TENM2: variants seen among roughly 807,000 people sequenced by gnomAD.
TENM2 encodes teneurin-2.
TENM2 carries 52 observed loss-of-function variants against 245.2 expected under a neutral mutation model. That is an observed-to-expected ratio of 0.21 (90% CI 0.17 to 0.27). TENM2 has a LOEUF of 0.27. Ranked by LOEUF, TENM2 falls within the 10% of genes least tolerant of loss-of-function variation. The probability of loss-of-function intolerance (pLI) is 1.00; values close to 1 mark genes in which losing one functional copy is unlikely to be tolerated. For synonymous variants in TENM2, 1,363 were observed against 1,438.9 expected (o/e 0.95, Z 1.19); for missense variants, 3,046 against 3,666.8 (o/e 0.83, Z 4.37).
chr5:167,794,854 A>G (rs1016159720), intron 2 of TENM2, among the ~76,000 whole-genome samples: 6 of 152,228 alleles, frequency 3.9e-5, no homozygotes, highest in Non-Finnish European at 8.8e-5. Context: ...GATGAAACCT[A>G]CAGGTTAGTT....
chr5:167,721,490 ATTCT>A (rs1471224225), intron 2 of TENM2: 1 of 152,202 alleles, frequency 6.6e-6, no homozygotes, highest in East Asian at 1.9e-4. Context: ...CATAGCAAAG[ATTCT>A]TTCTTCGCTT....
At chr5:167,435,160 G>A (rs752837250) in intron 2 of TENM2, among the ~76,000 whole-genome samples, 3 of 151,144 alleles carry the variant, frequency 2.0e-5, no homozygotes, top group Non-Finnish European at 4.4e-5. Context: ...TCATGGGGGG[G>A]AAAGGAATAA....
chr5:167,845,817 A>T (rs1292534593), intron 2 of TENM2, among the ~76,000 whole-genome samples: 1 of 152,142 alleles, frequency 6.6e-6, no homozygotes, highest in African/African-American at 2.4e-5. Flanking sequence ...ATGAGACTCC[A>T]TTTTCCCCAT....
intron 5 of TENM2, among the ~76,000 whole-genome samples, chr5:168,015,074 G>A (rs761651162): frequency 1.3e-5 from 2 of 152,182 alleles, no homozygotes; most frequent in Non-Finnish European, 2.9e-5. Context: ...CTTACCATCA[G>A]CCAGTACTCT....
At chr5:168,066,129 C>T (rs376771626) in intron 7 of TENM2, among the ~76,000 whole-genome samples, 21 of 152,316 alleles carry the variant, frequency 1.4e-4, no homozygotes, top group African/African-American at 5.1e-4. Flanking sequence ...GCATGTCCCT[C>T]TTAGGTTAAC....
At chr5:167,771,151 C>G (rs1763379505) in intron 2 of TENM2, among the ~76,000 whole-genome samples, 1 of 152,122 alleles carries the variant, frequency 6.6e-6, no homozygotes, top group Admixed American at 6.6e-5. Context: ...CTCTCTCTCT[C>G]TCAACTTTTA....
At chr5:167,111,223 A>G in the TENM2 span, among the ~76,000 whole-genome samples, 25 of 152,146 alleles carry the variant, frequency 1.6e-4, no homozygotes, top group Admixed American at 5.9e-4. Flanking sequence ...AATAAAATCA[A>G]TGGGTTTGCT....
the TENM2 span, among the ~76,000 whole-genome samples, chr5:167,206,131 T>G: frequency 3.9e-5 from 6 of 152,204 alleles, no homozygotes; most frequent in Non-Finnish European, 8.8e-5. Flanking sequence ...AAACAAATCT[T>G]GCTTACCACA....
intron 3 of TENM2, among the ~76,000 whole-genome samples, chr5:167,949,145 C>G (rs540366839): frequency 6.6e-6 from 1 of 152,100 alleles, no homozygotes; most frequent in Non-Finnish European, 1.5e-5. Flanking sequence ...TACTATTAGG[C>G]GTCAGTAACA....
chr5:166,989,090 G>C, the TENM2 span, among the ~76,000 whole-genome samples: 1 of 149,974 alleles, frequency 6.7e-6, no homozygotes, highest in African/African-American at 2.5e-5. Context: ...TTTTTTTCTT[G>C]TCAGAGTCTC....
intron 1 of TENM2, among the ~76,000 whole-genome samples, chr5:167,347,001 C>G (rs890362902): frequency 6.6e-6 from 1 of 151,874 alleles, no homozygotes; most frequent in Non-Finnish European, 1.5e-5. Context: ...CTTAAACTCC[C>G]GAGCTGAAGT....
chr5:167,652,160 G>A (rs1416698478), intron 2 of TENM2, among the ~76,000 whole-genome samples: 1 of 152,156 alleles, frequency 6.6e-6, no homozygotes, highest in Admixed American at 6.5e-5. Flanking sequence ...TGCCAAGAGC[G>A]AGGAATCATG....
At chr5:166,993,317 G>A in the TENM2 span, among the ~76,000 whole-genome samples, 1 of 152,098 alleles carries the variant, frequency 6.6e-6, no homozygotes, top group African/African-American at 2.4e-5. Context: ...CCTCCCGCGA[G>A]GGTCTCCACT....
chr5:167,974,666 T>C (rs1198998489), intron 4 of TENM2, among the ~76,000 whole-genome samples: 2 of 152,188 alleles, frequency 1.3e-5, no homozygotes, highest in African/African-American at 4.8e-5. Context: ...GAAACGAAGA[T>C]GTAATAATAA....
chr5:167,084,518 G>C, the TENM2 span, among the ~76,000 whole-genome samples: 5 of 151,076 alleles, frequency 3.3e-5, no homozygotes, highest in African/African-American at 1.2e-4. Context: ...ACGTGATATC[G>C]TGGGCCAACT....
At chr5:167,374,656 C>A (rs889534979) in intron 1 of TENM2, among the ~76,000 whole-genome samples, 1 of 151,998 alleles carries the variant, frequency 6.6e-6, no homozygotes, top group South Asian at 2.1e-4. Context: ...AGAGGGTTAA[C>A]GCTGTATGAC....
chr5:167,256,210 T>C, the TENM2 span, among the ~76,000 whole-genome samples: 1 of 152,180 alleles, frequency 6.6e-6, no homozygotes, highest in Non-Finnish European at 1.5e-5. Context: ...AGCTTCATAT[T>C]GTCTGTGGAG....
intron 2 of TENM2, among the ~76,000 whole-genome samples, chr5:167,425,056 G>C (rs1763731143): frequency 6.6e-6 from 1 of 152,306 alleles, no homozygotes; most frequent in African/African-American, 2.4e-5. Flanking sequence ...TAATGTCCAA[G>C]TAGAATATAG....
chr5:167,607,009 A>G (rs1274362232), intron 2 of TENM2, among the ~76,000 whole-genome samples: 2 of 152,266 alleles, frequency 1.3e-5, no homozygotes, highest in East Asian at 1.9e-4. Flanking sequence ...TCTCCTGAAT[A>G]TATCAGGAAG....
Sources: gnomAD v4.1 joint callset for allele counts (sites outside exome capture counted in the v4.1 genomes callset) on GRCh38, gnomAD v4.1.1 for gene constraint, MANE v1.5 for transcripts, NCBI Gene and HGNC (gene_info 2026-07-23, HGNC 2026-07-21) for gene names.